Variants in BRD4 observed in about 807,000 individuals in gnomAD.
BRD4 encodes bromodomain-containing protein 4.
In BRD4, 16 loss-of-function variants were observed where a neutral mutation model predicts 142.1. The ratio of observed to expected loss-of-function variants is 0.11; its 90% CI spans 0.08 to 0.17. The LOEUF (loss-of-function observed/expected upper bound fraction) is 0.17. BRD4 is among the 10% of genes least tolerant of loss of function. BRD4 has a pLI of 1.00. For missense variants in BRD4, 1,424 were observed against 1,810.9 expected (o/e 0.79, Z 3.88); for synonymous variants, 833 against 707.5 (o/e 1.18, Z -2.82).
intron 11 of BRD4, among the ~76,000 whole-genome samples, chr19:15,250,399 G>A (rs1036601124): frequency 1.3e-5 from 2 of 152,218 alleles, no homozygotes; most frequent in African/African-American, 4.8e-5. Flanking sequence ...CAAAGACCCT[G>A]GGGGTCAGGA....
At chr19:15,293,604 C>A (rs963464175) in intron 1 of BRD4, among the ~76,000 whole-genome samples, 3 of 152,216 alleles carry the variant, frequency 2.0e-5, no homozygotes, top group Admixed American at 6.5e-5. Context: ...TGTCCCCAAG[C>A]TAGCGACCCG....
chr19:15,308,971 C>T (rs941670527), intron 1 of BRD4, among the ~76,000 whole-genome samples: 1 of 151,520 alleles, frequency 6.6e-6, no homozygotes, highest in Non-Finnish European at 1.5e-5. Flanking sequence ...GCCAAGATTG[C>T]ACCACTGCAC....
chr19:15,305,572 T>G (rs1337968230), intron 1 of BRD4, among the ~76,000 whole-genome samples: 1 of 152,258 alleles, frequency 6.6e-6, no homozygotes, highest in Non-Finnish European at 1.5e-5. Flanking sequence ...TGTAAACAGA[T>G]GTGCTGTCAC....
chr19:15,323,268 C>T (rs561506045), intron 1 of BRD4, among the ~76,000 whole-genome samples: 1 of 151,212 alleles, frequency 6.6e-6, no homozygotes, highest in East Asian at 1.9e-4. Context: ...CCTATGCGCC[C>T]TACTTTATAT....
At chr19:15,299,708 C>T (rs138003725) in intron 1 of BRD4, among the ~76,000 whole-genome samples, 40 of 152,296 alleles carry the variant, frequency 2.6e-4, no homozygotes, top group Admixed American at 1.6e-3. Context: ...CTTGGTATGA[C>T]GTTCTGTTTC....
At chr19:15,268,827 G>T in intron 3 of BRD4, 78 bp downstream of exon 3, 2 of 1,541,326 alleles carry the variant, frequency 1.3e-6, no homozygotes, top group South Asian at 1.2e-5. Context: ...CCCTGCCCAC[G>T]GGCTCCTGAC....
chr19:15,319,814 T>C (rs2048046203), intron 1 of BRD4, among the ~76,000 whole-genome samples: 1 of 151,730 alleles, frequency 6.6e-6, no homozygotes, highest in African/African-American at 2.4e-5. Context: ...CCCACACCTG[T>C]AGCCCAGTTA....
At chr19:15,318,761 C>G (rs1330902083) in intron 1 of BRD4, among the ~76,000 whole-genome samples, 1 of 152,246 alleles carries the variant, frequency 6.6e-6, no homozygotes, top group Non-Finnish European at 1.5e-5. Flanking sequence ...AGTTTACAAA[C>G]AGCAGCAGCT....
chr19:15,243,517 G>A (rs767639688), intron 13 of BRD4, 30 bp from the exon 14 acceptor site: 3 of 1,522,014 alleles, frequency 2.0e-6, no homozygotes, highest in Non-Finnish European at 2.6e-6. Flanking sequence ...AGGCGGTGAG[G>A]CCTGAGCACC....
chr19:15,300,955 T>C (rs1040171006), intron 1 of BRD4, among the ~76,000 whole-genome samples: 1 of 152,186 alleles, frequency 6.6e-6, no homozygotes, highest in South Asian at 2.1e-4. Context: ...AAGAAAAACA[T>C]GTTCACACAA....
In BRD4 at chr19:15,239,814, C is replaced by G. The variant is rs35676845; in HGVS notation, c.3290G>C (p.Arg1097Pro). The G allele has an allele frequency of 1.6e-5, 26 of 1,613,656 alleles. 1 individual carries two copies. The highest frequency in any genetic ancestry group is 1.9e-5 in the Non-Finnish European group (22 of 1,179,918). ...CTGGGGCTGGACCACGGAGGCAGCA[C>G]GCAGCTCCTGGGATGGCACAGGCAC... ...QNVQPKKQEL[R>P]AASVVQPQPL... The change falls in exon 16 of 20, where the codon CGT (arginine) becomes CCT (proline). Residue 1097 changes from arginine (R) to proline (P), a missense_variant. Around this residue, in one of 16 missense-constraint regions of BRD4, gnomAD observed 598 missense variants for 647.8 expected, o/e 0.92. Transcript: ENST00000679869. This position sits in a 1 kb window ranked among gnomAD's most constrained non-coding sequence, Gnocchi z 7.4.
chr19:15,251,884 G>T (rs80269393), intron 11 of BRD4, among the ~76,000 whole-genome samples: 2 of 152,312 alleles, frequency 1.3e-5, no homozygotes, highest in South Asian at 4.1e-4. Context: ...TGGGGAGGGC[G>T]CCTGGGAAGA....
chr19:15,286,964 AG>A (rs2047744599), intron 1 of BRD4, among the ~76,000 whole-genome samples: 1 of 152,250 alleles, frequency 6.6e-6, no homozygotes, highest in South Asian at 2.1e-4. Context: ...CTGGGGCCAC[AG>A]GGATGGGGAA....
intron 1 of BRD4, among the ~76,000 whole-genome samples, chr19:15,327,791 T>C (rs927822757): frequency 6.6e-6 from 1 of 151,252 alleles, no homozygotes; most frequent in African/African-American, 2.4e-5. Flanking sequence ...GGTTACATAT[T>C]GTAGGATTCC....
intron 1 of BRD4, among the ~76,000 whole-genome samples, chr19:15,302,962 C>G (rs2047883524): frequency 6.8e-6 from 1 of 147,738 alleles, no homozygotes; most frequent in South Asian, 2.1e-4. Context: ...GAGCCGAGAT[C>G]GCGCCACTGC....
intron 1 of BRD4, among the ~76,000 whole-genome samples, chr19:15,320,124 G>C (rs2048049067): frequency 6.6e-6 from 1 of 152,168 alleles, no homozygotes; most frequent in Non-Finnish European, 1.5e-5. Context: ...GAGACCTCCA[G>C]CCTCCTCTTA....
At chr19:15,325,997 C>CAAAAAAAAA (rs35801340) in intron 1 of BRD4, among the ~76,000 whole-genome samples, 10 of 50,662 alleles carry the variant, frequency 2.0e-4, no homozygotes, top group African/African-American at 3.2e-4. Flanking sequence ...GACTCCGTCT[C>CAAAAAAAAA]AAAAAAAAAA....
rs761265784 is a variant in BRD4, at chr19:15,238,887, C to A, written c.3876G>T (p.Glu1292Asp). 1.3e-6 allele frequency: 2 copies of A among 1,596,898 alleles called. No homozygotes were observed. Among genetic ancestry groups the A allele is most frequent in the African/African-American group, 2.7e-5 (2 of 74,596 alleles). ...CTTGCTGTTGCTGCTGCTGCTGTTG[C>A]TCCTGGCGCTGCTGCTGCTGCTGCT... ...RQEQQQQQRQ[E>D]QQQQQQQQAA... Residue 1292 changes from glutamate to aspartate, a missense_variant, in exon 19 of 20, where the codon GAG becomes GAT. By Grantham distance (45) the Glu-to-Asp change is conservative (BLOSUM62 2). Around this residue, in one of 16 missense-constraint regions of BRD4, gnomAD observed 109 missense variants for 117.9 expected, o/e 0.92. Coordinates refer to ENST00000679869, the MANE Select transcript of BRD4 (RefSeq NM_001379291.1). This position sits in a 1 kb window ranked among gnomAD's most constrained non-coding sequence, Gnocchi z 7.2.
chr19:15,243,951 G>A (rs998540128), intron 13 of BRD4, among the ~76,000 whole-genome samples: 1 of 152,218 alleles, frequency 6.6e-6, no homozygotes, highest in South Asian at 2.1e-4. Context: ...GCCTGGCCCA[G>A]CAGCAGAAAT....
Sources: allele counts gnomAD v4.1 joint callset (sites outside exome capture counted in the v4.1 genomes callset), GRCh38; gene constraint gnomAD v4.1.1; regional missense constraint gnomAD v4.1.1; non-coding constraint Gnocchi (gnomAD v3.1); transcripts MANE v1.5; gene names NCBI Gene and HGNC (gene_info 2026-07-23, HGNC 2026-07-21).